The following TBC1D22A variants were observed in gnomAD, a reference collection of about 807,000 sequenced individuals.
TBC1D22A encodes the protein putative GTPase activator.
Under a neutral mutation model 60.2 loss-of-function variants are expected in TBC1D22A, and 38 were observed. The ratio of observed to expected loss-of-function variants is 0.63; its 90% confidence interval spans 0.49 to 0.83. TBC1D22A has a LOEUF of 0.83. TBC1D22A is among the 40% of genes least tolerant of loss of function. The pLI is 0.00. For synonymous variants in TBC1D22A, 302 were observed against 281.7 expected (o/e 1.07, Z -0.72); for missense variants, 628 against 701.0 (o/e 0.90, Z 1.18).
chr22:46,945,653 C>A (rs1389663318), intron 8 of TBC1D22A, among the ~76,000 whole-genome samples: 1 of 152,186 alleles, frequency 6.6e-6, no homozygotes, highest in Non-Finnish European at 1.5e-5. Context: ...TGTCTCCCAG[C>A]CTCCGAGTCC....
Position 47,075,827 on chromosome 22 carries a change from G to C in TBC1D22A, c.1330-35681G>C, listed in dbSNP as rs142993863. Among the ~76,000 whole-genome samples, 61 of 151,462 alleles carry C rather than the reference G, an allele frequency of 4.0e-4. 2 individuals are homozygous for C. In the East Asian group the frequency reaches 9.3e-3, roughly 23 times the overall value. ...ACACACACACACACATATGGACACA[G>C]AAAGTTTTGAATTTTATAAATGGAA... is the stretch of plus-strand genomic sequence containing the variant. On this transcript the variant is annotated intron_variant, in intron 11 of 12. Transcript: ENST00000337137.
At chr22:46,844,102 T>C (rs1215785763) in intron 4 of TBC1D22A, among the ~76,000 whole-genome samples, 1 of 150,638 alleles carries the variant, frequency 6.6e-6, no homozygotes, top group African/African-American at 2.5e-5. Flanking sequence ...TTCCTGTGGG[T>C]GTAAACATGT....
At chr22:46,866,193 C>T (rs2067043882) in intron 4 of TBC1D22A, among the ~76,000 whole-genome samples, 1 of 152,220 alleles carries the variant, frequency 6.6e-6, no homozygotes, top group Non-Finnish European at 1.5e-5. Context: ...CAACCTCCTC[C>T]TCCTGGGTTC....
chr22:46,855,119 G>A (rs549183472), intron 4 of TBC1D22A, among the ~76,000 whole-genome samples: 10 of 152,136 alleles, frequency 6.6e-5, no homozygotes, highest in Non-Finnish European at 1.2e-4. Context: ...AAGCACCTAC[G>A]GCAGAGCCCT....
chr22:47,173,381 G>T (rs977495560), intron 12 of TBC1D22A, 117 bp from the exon 13 acceptor site: 7 of 1,348,244 alleles, frequency 5.2e-6, no homozygotes, highest in Non-Finnish European at 7.2e-6. Flanking sequence ...CACCCGCCCT[G>T]CACCGTGGGT....
chr22:46,879,458 C>G (rs902520262), intron 5 of TBC1D22A, among the ~76,000 whole-genome samples: 2 of 152,120 alleles, frequency 1.3e-5, no homozygotes, highest in African/African-American at 4.8e-5. Context: ...CAATAGGGAG[C>G]TCTAAGTGTT....
chr22:47,055,559 G>T (rs1417030082), intron 11 of TBC1D22A, among the ~76,000 whole-genome samples: 1 of 152,172 alleles, frequency 6.6e-6, no homozygotes, highest in African/African-American at 2.4e-5. Context: ...CCGACCCTAT[G>T]CTGTTAGCTG....
intron 9 of TBC1D22A, among the ~76,000 whole-genome samples, chr22:46,979,441 C>T (rs1471713984): frequency 2.6e-5 from 4 of 152,172 alleles, no homozygotes; most frequent in Admixed American, 6.5e-5. Flanking sequence ...TTCATGTAAA[C>T]GTGATGTTTC....
At chr22:47,166,725 G>A (rs1265072763) in intron 12 of TBC1D22A, among the ~76,000 whole-genome samples, 1 of 152,382 alleles carries the variant, frequency 6.6e-6, no homozygotes, top group South Asian at 2.1e-4. Context: ...GTGGGGCCCG[G>A]CATGAGGCAG....
intron 8 of TBC1D22A, among the ~76,000 whole-genome samples, chr22:46,923,786 A>G (rs2070892808): frequency 6.6e-6 from 1 of 152,112 alleles, no homozygotes; most frequent in South Asian, 2.1e-4. Flanking sequence ...TTTTTTTCCC[A>G]CATTTAACCT....
intron 12 of TBC1D22A, among the ~76,000 whole-genome samples, chr22:47,154,251 G>A (rs1002683271): frequency 4.6e-5 from 7 of 152,088 alleles, no homozygotes; most frequent in Admixed American, 1.3e-4. Flanking sequence ...CACACTCTGC[G>A]CTTTTGAGAG....
chr22:47,099,281 G>A (rs2065313329), intron 11 of TBC1D22A, among the ~76,000 whole-genome samples: 1 of 152,134 alleles, frequency 6.6e-6, no homozygotes, highest in African/African-American at 2.4e-5. Context: ...TAAGAAGCCT[G>A]GGAGGGAGCT....
intron 12 of TBC1D22A, among the ~76,000 whole-genome samples, chr22:47,143,452 A>G (rs1477151503): frequency 6.6e-6 from 1 of 152,234 alleles, no homozygotes; most frequent in Non-Finnish European, 1.5e-5. Flanking sequence ...CTAGCTAATG[A>G]GTTTTGAACC....
chr22:46,963,745 G>A (rs544666044), intron 8 of TBC1D22A, among the ~76,000 whole-genome samples: 3 of 152,312 alleles, frequency 2.0e-5, no homozygotes, highest in Admixed American at 6.5e-5. Flanking sequence ...TTCTGGGGCC[G>A]TGCACCTCCC....
chr22:47,004,094 CAT>C (rs922432008), intron 10 of TBC1D22A, among the ~76,000 whole-genome samples: 2 of 149,366 alleles, frequency 1.3e-5, no homozygotes, highest in African/African-American at 5.0e-5. Flanking sequence ...CACACACCCT[CAT>C]ATACACACAC....
At chr22:46,915,812 G>A (rs983817909) in intron 8 of TBC1D22A, 7 of 456,530 alleles carry the variant, frequency 1.5e-5, no homozygotes, top group Non-Finnish European at 2.6e-5. Flanking sequence ...CTGGTTTCAC[G>A]GGAGGTGGGG....
chr22:46,948,136 AG>A (rs1195499963), intron 8 of TBC1D22A, among the ~76,000 whole-genome samples: 1 of 152,252 alleles, frequency 6.6e-6, no homozygotes. Flanking sequence ...TGCAAAACAA[AG>A]CAAATAAAAA....
At chr22:46,922,963 A>G (rs2070841635) in intron 8 of TBC1D22A, among the ~76,000 whole-genome samples, 1 of 152,092 alleles carries the variant, frequency 6.6e-6, no homozygotes, top group Admixed American at 6.6e-5. Context: ...TACTCTATTG[A>G]ATAGGAGTTT....
chr22:46,877,036 T>C (rs1447923183), intron 4 of TBC1D22A, among the ~76,000 whole-genome samples: 1 of 152,238 alleles, frequency 6.6e-6, no homozygotes, highest in African/African-American at 2.4e-5. Flanking sequence ...TTATTTTGGA[T>C]CTTTTTGTCT....
Sources: gnomAD v4.1 joint callset for allele counts (sites outside exome capture counted in the v4.1 genomes callset) on GRCh38, gnomAD v4.1.1 for gene constraint, MANE v1.5 for transcripts, NCBI Gene and HGNC (gene_info 2026-07-23, HGNC 2026-07-21) for gene names.